Variants in NECAB1 observed in about 807,000 individuals in gnomAD.
NECAB1 encodes the protein N-terminal EF-hand calcium binding protein 1.
Under a neutral mutation model 57.5 loss-of-function variants are expected in NECAB1, and 29 were observed. The ratio of observed to expected loss-of-function variants is 0.50; its 90% CI spans 0.38 to 0.69. The LOEUF is 0.69. Ranked by LOEUF, NECAB1 falls within the 30% of genes least tolerant of loss-of-function variation. NECAB1 has a pLI of 0.00. For synonymous variants in NECAB1, 142 were observed against 147.7 expected, an observed-to-expected ratio of 0.96 and a Z score of 0.28; for missense variants, 372 against 413.8, an observed-to-expected ratio of 0.90 and a Z score of 0.88.
At chr8:90,889,043 T>C (rs1386698983) in intron 5 of NECAB1, among the ~76,000 whole-genome samples, 1 of 152,198 alleles carries the variant, frequency 6.6e-6, no homozygotes, top group Non-Finnish European at 1.5e-5. Context: ...TTTTCATCAG[T>C]TGTACATGCA....
chr8:90,842,107 G>A lies in NECAB1; in HGVS notation c.233+17282G>A, dbSNP rs374293709. ...ATGCTGGGCTTAATGCCTGGGTGATGGGATAATTGGTGCAGTAAACCACCA... is the reference window on the plus strand; with the variant it reads ...ATGCTGGGCTTAATGCCTGGGTGATAGGATAATTGGTGCAGTAAACCACCA... On this transcript the variant is annotated intron_variant, in intron 3 of 12. Transcript: ENST00000417640. Among the ~76,000 whole-genome samples, 8 of 152,254 alleles carry A rather than the reference G, an allele frequency of 5.3e-5. No homozygotes were observed. In the South Asian group the frequency reaches 1.0e-3, roughly 20 times the overall value.
At position 90,958,312 on chromosome 8, in the gene NECAB1, T is replaced by C. The variant is rs1313067742; in HGVS notation, c.*2800T>C. The C allele has an allele frequency of 2.0e-5, 3 of 151,710 alleles. No homozygotes were observed. In the East Asian group the frequency reaches 5.8e-4, roughly 29 times the overall value. The allele number at this position is 151,710 out of a possible 1,614,324, so 9.4% of individuals were successfully genotyped here. A position where few individuals can be genotyped will look rare whatever the true frequency, so the allele number is the denominator to read the frequency against. ...AATTGCTCAACTTCTGCTATTCATA[T>C]GGTCTGATTAGTGACATAAGTAGCA... is the stretch of plus-strand genomic sequence containing the variant. On this transcript the variant is annotated 3_prime_UTR_variant, in exon 13 of 13. Coordinates refer to ENST00000417640, the MANE Select transcript of NECAB1 (RefSeq NM_022351.5).
At chr8:90,924,076 A>T (rs1810198151) in intron 6 of NECAB1, among the ~76,000 whole-genome samples, 1 of 152,240 alleles carries the variant, frequency 6.6e-6, no homozygotes. Flanking sequence ...ACAATACTGG[A>T]AACAAAGACA....
At chr8:90,875,844 C>CAAAAAA (rs5893141) in intron 4 of NECAB1, among the ~76,000 whole-genome samples, 3 of 88,442 alleles carry the variant, frequency 3.4e-5, no homozygotes, top group African/African-American at 1.4e-4. Flanking sequence ...ACTAAAAATA[C>CAAAAAA]AAAAAAAAAA....
intron 3 of NECAB1, among the ~76,000 whole-genome samples, chr8:90,852,116 C>T (rs1812694989): frequency 6.6e-6 from 1 of 152,080 alleles, no homozygotes; most frequent in Admixed American, 6.5e-5. Flanking sequence ...GAAGCCTCTC[C>T]TCGATATGCT....
At chr8:90,903,176 A>G (rs1344538414) in intron 5 of NECAB1, among the ~76,000 whole-genome samples, 1 of 152,052 alleles carries the variant, frequency 6.6e-6, no homozygotes, top group African/African-American at 2.4e-5. Context: ...TTTATATACC[A>G]TAAAATTAAC....
intron 5 of NECAB1, among the ~76,000 whole-genome samples, chr8:90,906,578 C>T (rs527484499): frequency 4.5e-4 from 68 of 152,112 alleles, no homozygotes; most frequent in Admixed American, 7.2e-4. Flanking sequence ...TCATTGTTGA[C>T]GCTCTTGGTT....
intron 5 of NECAB1, among the ~76,000 whole-genome samples, chr8:90,899,887 T>A (rs1809457986): frequency 1.3e-5 from 2 of 152,150 alleles, no homozygotes; most frequent in Admixed American, 6.5e-5. Context: ...AATATTATTT[T>A]CAGAATATTC....
chr8:90,803,461 AC>A (rs1425136479), intron 2 of NECAB1, among the ~76,000 whole-genome samples: 2 of 152,172 alleles, frequency 1.3e-5, no homozygotes, highest in Admixed American at 6.5e-5. Context: ...GTCCACCCTT[AC>A]CTTTGTATGT....
intron 3 of NECAB1, among the ~76,000 whole-genome samples, chr8:90,867,267 T>A (rs1808535913): frequency 6.6e-6 from 1 of 152,250 alleles, no homozygotes; most frequent in Admixed American, 6.5e-5. Context: ...CCATTTTCAA[T>A]AATGGATTAG....
At chr8:90,953,389 A>G (rs1810957640) in intron 12 of NECAB1, among the ~76,000 whole-genome samples, 1 of 152,242 alleles carries the variant, frequency 6.6e-6, no homozygotes, top group Non-Finnish European at 1.5e-5. Flanking sequence ...TAATTTAGAA[A>G]GAAAAACTGA....
chr8:90,815,091 A>G (rs986669699), intron 2 of NECAB1, among the ~76,000 whole-genome samples: 15 of 152,044 alleles, frequency 9.9e-5, no homozygotes, highest in African/African-American at 3.4e-4. Context: ...CTCTTACTCA[A>G]TAGTGAGAAA....
intron 3 of NECAB1, among the ~76,000 whole-genome samples, chr8:90,853,814 A>G (rs12542103): frequency 0.47 from 70,922 of 152,034 alleles, 20,025 homozygotes; most frequent in East Asian, 0.77. Flanking sequence ...AGGCTTTAAG[A>G]TGGGTGGTAT....
At chr8:90,880,975 T>C in intron 4 of NECAB1, 58 bp from the exon 5 acceptor site, 1 of 1,264,738 alleles carries the variant, frequency 7.9e-7, no homozygotes, top group Non-Finnish European at 1.1e-6. Context: ...GTTGATTTTT[T>C]TGTTTTATGG....
At chr8:90,936,760 G>A (rs1053190359) in intron 9 of NECAB1, among the ~76,000 whole-genome samples, 9 of 151,994 alleles carry the variant, frequency 5.9e-5, no homozygotes, top group Admixed American at 1.3e-4. Flanking sequence ...GCAATGAGCC[G>A]TTACATAATG....
chr8:90,832,964 A>G (rs1417005333), intron 3 of NECAB1, among the ~76,000 whole-genome samples: 1 of 152,182 alleles, frequency 6.6e-6, no homozygotes, highest in Non-Finnish European at 1.5e-5. Flanking sequence ...TGATAAAAAG[A>G]TGGTTAATTC....
intron 5 of NECAB1, among the ~76,000 whole-genome samples, chr8:90,904,714 T>C (rs188980440): frequency 6.6e-6 from 1 of 152,200 alleles, no homozygotes; most frequent in Admixed American, 6.5e-5. Context: ...ATAAAAAAAA[T>C]TGTATATCTA....
At chr8:90,922,485 G>GTTTTTTTTTTTTTTTTTTTT (rs1586127873) in intron 6 of NECAB1, among the ~76,000 whole-genome samples, 1 of 65,220 alleles carries the variant, frequency 1.5e-5, no homozygotes, top group African/African-American at 9.9e-5. Context: ...CAAAAACTTG[G>GTTTTTTTTTTTTTTTTTTTT]ATTTTTTTTT....
intron 6 of NECAB1, among the ~76,000 whole-genome samples, chr8:90,922,933 T>C (rs1472804214): frequency 3.3e-5 from 5 of 152,128 alleles, no homozygotes; most frequent in Non-Finnish European, 5.9e-5. Context: ...AAAGGAGGCA[T>C]TAACCTGCAA....
Sources: allele counts gnomAD v4.1 joint callset (sites outside exome capture counted in the v4.1 genomes callset), GRCh38; gene constraint gnomAD v4.1.1; transcripts MANE v1.5; gene names NCBI Gene and HGNC (gene_info 2026-07-23, HGNC 2026-07-21).